Variants in DTNB observed in about 807,000 individuals in gnomAD.
DTNB encodes DTN-B.
Under a neutral mutation model 90.7 loss-of-function variants are expected in DTNB, and 63 were observed. The observed-to-expected ratio is 0.69, with a 90% confidence interval of 0.57 to 0.86. The LOEUF (loss-of-function observed/expected upper bound fraction) is 0.86, where lower values mean the gene tolerates loss of function less well. Ranked by LOEUF, DTNB falls within the 40% of genes least tolerant of loss-of-function variation. DTNB has a pLI of 0.00. For missense variants in DTNB, 744 were observed against 807.1 expected, an observed-to-expected ratio of 0.92 and a Z score of 0.95; for synonymous variants, 277 against 286.7, an observed-to-expected ratio of 0.97 and a Z score of 0.34.
intron 5 of DTNB, among the ~76,000 whole-genome samples, chr2:25,597,080 A>G (rs963597877): frequency 2.0e-5 from 3 of 152,246 alleles, no homozygotes; most frequent in Non-Finnish European, 4.4e-5. Context: ...AAATATGCAC[A>G]GAAAAATCAT....
chr2:25,665,919 T>C (rs2084329972), intron 1 of DTNB, among the ~76,000 whole-genome samples: 1 of 152,184 alleles, frequency 6.6e-6, no homozygotes, highest in Non-Finnish European at 1.5e-5. Context: ...TCTGAGTAGC[T>C]AAATAACCTC....
Position 25,464,052 on chromosome 2 carries a change from C to T in DTNB, c.1080-8558G>A, listed in dbSNP as rs777567850. ...TCCCAAGTAGCTGGGACTACAGGTGCGCACCACCAAGCCCAGCTAATTTTT... is the reference window on the plus strand; with the variant it reads ...TCCCAAGTAGCTGGGACTACAGGTGTGCACCACCAAGCCCAGCTAATTTTT... On this transcript the variant is annotated intron_variant, in intron 10 of 20. Coordinates refer to ENST00000406818, the MANE Select transcript of DTNB (RefSeq NM_021907.5). Among the ~76,000 whole-genome samples, 23 of 152,152 alleles carry T rather than the reference C, an allele frequency of 1.5e-4. 1 individual carries two copies. The highest frequency in any genetic ancestry group is 4.6e-4 in the African/African-American group (19 of 41,434).
chr2:25,448,250 G>T (rs2058718154), intron 12 of DTNB, among the ~76,000 whole-genome samples: 1 of 152,132 alleles, frequency 6.6e-6, no homozygotes, highest in African/African-American at 2.4e-5. Context: ...GTTCCATGAG[G>T]GCAGGAATCA....
rs551387771 is a variant in DTNB at position 25,398,568 on chromosome 2, C to T, written c.1576-10207G>A. 1.4e-3 allele frequency among the ~76,000 whole-genome samples: 217 copies of T among 152,282 alleles called. 1 individual carries two copies. The highest frequency in any genetic ancestry group is 4.6e-3 in the African/African-American group (191 of 41,550). On this transcript the variant is annotated intron_variant, in intron 16 of 20. Coordinates refer to ENST00000406818, the MANE Select transcript of DTNB (RefSeq NM_021907.5). ...CTAAGGGTTCAGGAAGCCTGGAGAC[C>T]GGAGCCGATCTTGGATGAGATATAC...
rs181825026 is a variant in DTNB at position 25,435,419 on chromosome 2, C to T, written c.1258-1424G>A. Among the ~76,000 whole-genome samples, 261 of 152,338 alleles carry T rather than the reference C, an allele frequency of 1.7e-3. 1 individual carries two copies. The highest frequency in any genetic ancestry group is 0.01 in the Middle Eastern group (3 of 294). ...TAGTCATTCCCCATCCCCCTTCCCT[C>T]GCCCTTGACCTCCATTATCCATCTC... On this transcript the variant is annotated intron_variant, in intron 12 of 20. Transcript: ENST00000406818.
intron 10 of DTNB, among the ~76,000 whole-genome samples, chr2:25,458,890 C>T (rs1265052995): frequency 6.6e-6 from 1 of 152,172 alleles, no homozygotes; most frequent in Non-Finnish European, 1.5e-5. Context: ...CGTGATCCGC[C>T]TGCCTCGGCC....
chr2:25,620,039 C>CA (rs934901310), intron 4 of DTNB, among the ~76,000 whole-genome samples: 4 of 149,272 alleles, frequency 2.7e-5, no homozygotes, highest in East Asian at 2.0e-4. Flanking sequence ...GACTCTGTCT[C>CA]AAAAAAAATA....
chr2:25,447,794 C>T lies in DTNB; in HGVS notation c.1257+3754G>A, dbSNP rs1379966435. Among the ~76,000 whole-genome samples the T allele has an allele frequency of 2.0e-5, 3 of 152,212 alleles. No individual in the cohort carries two copies. In the South Asian group the frequency reaches 6.2e-4, roughly 32 times the overall value. Reference sequence around the variant, plus strand: ...AAAGTCCTGGGATTACAGGAGTGAGCCACCATGCCCGGCCTAGTTATCTTT... The same window carrying T: ...AAAGTCCTGGGATTACAGGAGTGAGTCACCATGCCCGGCCTAGTTATCTTT... On this transcript the variant is annotated intron_variant, in intron 12 of 20. Coordinates refer to ENST00000406818, the MANE Select transcript of DTNB (RefSeq NM_021907.5).
intron 4 of DTNB, among the ~76,000 whole-genome samples, chr2:25,617,429 C>G (rs2071068963): frequency 6.6e-6 from 1 of 152,022 alleles, no homozygotes; most frequent in Non-Finnish European, 1.5e-5. Flanking sequence ...GCAGTGGGCT[C>G]GAGGTGTTAA....
chr2:25,539,002 T>C, intron 8 of DTNB, among the ~76,000 whole-genome samples: 1 of 152,236 alleles, frequency 6.6e-6, no homozygotes, highest in East Asian at 1.9e-4. Flanking sequence ...TGTATAGTTC[T>C]CTATATAGTC....
chr2:25,428,328 C>A (rs974768313), intron 14 of DTNB, among the ~76,000 whole-genome samples: 3 of 152,058 alleles, frequency 2.0e-5, no homozygotes, highest in African/African-American at 7.2e-5. Flanking sequence ...ATCATTCTTT[C>A]TTGGAAAATG....
chr2:25,536,383 G>T (rs1240739699), intron 8 of DTNB, among the ~76,000 whole-genome samples: 1 of 152,204 alleles, frequency 6.6e-6, no homozygotes, highest in Admixed American at 6.5e-5. Context: ...AGCGAGCCGA[G>T]ATCACGCCAC....
intron 9 of DTNB, among the ~76,000 whole-genome samples, chr2:25,526,639 AC>A (rs2077250884): frequency 6.6e-6 from 1 of 151,910 alleles, no homozygotes; most frequent in Non-Finnish European, 1.5e-5. Context: ...CAGATGATCC[AC>A]CCACCTTGGC....
At chr2:25,430,346 A>G (rs532533100) in intron 14 of DTNB, among the ~76,000 whole-genome samples, 7 of 152,234 alleles carry the variant, frequency 4.6e-5, no homozygotes, top group East Asian at 3.9e-4. Context: ...TAGACCCTCG[A>G]TAAGAAGGAT....
intron 2 of DTNB, chr2:25,649,912 G>T: frequency 1.7e-6 from 1 of 590,434 alleles, no homozygotes; most frequent in Non-Finnish European, 2.1e-6. Context: ...TGGAGTTTCT[G>T]GTTGACGTTG....
At chr2:25,519,660 G>A (rs937565464) in intron 9 of DTNB, among the ~76,000 whole-genome samples, 3 of 152,098 alleles carry the variant, frequency 2.0e-5, no homozygotes, top group African/African-American at 4.8e-5. Flanking sequence ...CATTTCCTTG[G>A]ACTGTCACGT....
intron 10 of DTNB, among the ~76,000 whole-genome samples, chr2:25,477,709 T>C (rs909571901): frequency 6.6e-6 from 1 of 152,150 alleles, no homozygotes; most frequent in Non-Finnish European, 1.5e-5. Context: ...AACACATCTA[T>C]GCAAAAGGAG....
chr2:25,589,257 T>C (rs1468182761), intron 6 of DTNB, among the ~76,000 whole-genome samples: 1 of 152,100 alleles, frequency 6.6e-6, no homozygotes, highest in African/African-American at 2.4e-5. Context: ...AATAAAGTGT[T>C]ATCAACAGTA....
chr2:25,567,125 G>C (rs1232096328), intron 8 of DTNB, among the ~76,000 whole-genome samples: 2 of 152,132 alleles, frequency 1.3e-5, no homozygotes, highest in East Asian at 3.8e-4. Context: ...CTTAGCTCTT[G>C]CTTGCCACAA....
Sources: allele counts gnomAD v4.1 joint callset (sites outside exome capture counted in the v4.1 genomes callset), GRCh38; gene constraint gnomAD v4.1.1; transcripts MANE v1.5; gene names NCBI Gene and HGNC (gene_info 2026-07-23, HGNC 2026-07-21).